SLC10A7: variants seen among roughly 807,000 people sequenced by gnomAD.
The protein encoded by SLC10A7 is solute carrier family 10 member 7.
Under a neutral mutation model 43.2 loss-of-function variants are expected in SLC10A7, and 29 were observed. That is an observed-to-expected ratio of 0.67 (90% confidence interval 0.50 to 0.92). The LOEUF is 0.92. Ranked by LOEUF, SLC10A7 falls within the 40% of genes least tolerant of loss-of-function variation. SLC10A7 has a pLI of 0.00. For missense variants in SLC10A7, 295 were observed against 403.2 expected (o/e 0.73, Z 2.30); for synonymous variants, 152 against 144.8 (o/e 1.05, Z -0.35).
At chr4:146,420,856 C>G (rs1237702217) in intron 5 of SLC10A7, among the ~76,000 whole-genome samples, 1 of 151,948 alleles carries the variant, frequency 6.6e-6, no homozygotes, top group Non-Finnish European at 1.5e-5. Flanking sequence ...AAGATTCTGT[C>G]TCTACACAAA....
At chr4:146,484,335 C>T (rs973530264) in intron 4 of SLC10A7, among the ~76,000 whole-genome samples, 1 of 152,098 alleles carries the variant, frequency 6.6e-6, no homozygotes, top group African/African-American at 2.4e-5. Flanking sequence ...GCCTGAGTGA[C>T]AGAGAGACAC....
intron 5 of SLC10A7, among the ~76,000 whole-genome samples, chr4:146,394,353 T>C (rs959581042): frequency 5.9e-5 from 9 of 152,184 alleles, no homozygotes; most frequent in African/African-American, 2.2e-4. Flanking sequence ...GGCCAAGGTA[T>C]GATGAGCTTG....
chr4:146,284,863 G>A (rs916395501), intron 9 of SLC10A7, among the ~76,000 whole-genome samples: 4 of 152,174 alleles, frequency 2.6e-5, no homozygotes, highest in South Asian at 2.1e-4. Context: ...AGAGATGAAA[G>A]CACTACAGAC....
chr4:146,320,368 C>T (rs1343061199), intron 6 of SLC10A7, among the ~76,000 whole-genome samples: 2 of 151,788 alleles, frequency 1.3e-5, no homozygotes, highest in African/African-American at 4.8e-5. Context: ...GAGGCCTAGG[C>T]TGGGTAAGAT....
intron 5 of SLC10A7, among the ~76,000 whole-genome samples, chr4:146,378,815 C>T (rs1458679852): frequency 6.6e-6 from 1 of 152,222 alleles, no homozygotes; most frequent in South Asian, 2.1e-4. Context: ...CTGTGCCTAA[C>T]TTCCTGTACT....
At position 146,367,006 on chromosome 4, in the gene SLC10A7, T is replaced by C. The variant is rs998510944; in HGVS notation, c.436-41010A>G. 3.0e-4 allele frequency among the ~76,000 whole-genome samples: 45 copies of C among 150,552 alleles called. 1 individual carries two copies. ...GCAATAAGCAAGTTTTTTGTTTTTTTGTTTTTTTTTGTTTTTGTTTTTGCC... is the reference window on the plus strand; with the variant it reads ...GCAATAAGCAAGTTTTTTGTTTTTTCGTTTTTTTTTGTTTTTGTTTTTGCC... On this transcript the variant is annotated intron_variant, in intron 5 of 11. Coordinates refer to ENST00000335472, the MANE Select transcript of SLC10A7 (RefSeq NM_001029998.6).
Position 146,360,123 on chromosome 4 carries a change from A to G in SLC10A7, c.436-34127T>C, listed in dbSNP as rs76632152. 4.1e-3 allele frequency among the ~76,000 whole-genome samples: 617 copies of G among 152,104 alleles called. 3 individuals are homozygous for G. The highest frequency in any genetic ancestry group is 0.014 in the African/African-American group (586 of 41,476). Reference sequence around the variant, plus strand: ...CCCTCTCACCTGCTACATCTAATCAACTTACCAAAGACTCTCTATCTCTTA... The same window carrying G: ...CCCTCTCACCTGCTACATCTAATCAGCTTACCAAAGACTCTCTATCTCTTA... On this transcript the variant is annotated intron_variant, in intron 5 of 11. Coordinates refer to ENST00000335472, the MANE Select transcript of SLC10A7 (RefSeq NM_001029998.6).
At chr4:146,296,506 G>A in intron 7 of SLC10A7, among the ~76,000 whole-genome samples, 1 of 152,052 alleles carries the variant, frequency 6.6e-6, no homozygotes, top group East Asian at 1.9e-4. Flanking sequence ...TAGCCAAAAT[G>A]TCTTTCTTCT....
At chr4:146,275,130 G>A (rs1560753547) in intron 10 of SLC10A7, among the ~76,000 whole-genome samples, 3 of 152,076 alleles carry the variant, frequency 2.0e-5, no homozygotes, top group South Asian at 4.2e-4. Flanking sequence ...CGGACATCAG[G>A]GTTTTATCCT....
In SLC10A7 at chr4:146,358,174, T is replaced by G. The variant is rs555041664; in HGVS notation, c.436-32178A>C. 4.6e-5 allele frequency among the ~76,000 whole-genome samples: 7 copies of G among 152,222 alleles called. 1 individual carries two copies. In the South Asian group the frequency reaches 1.5e-3, roughly 32 times the overall value. ...ACATGACACTTTTCTAATTCTTCTCTAATCCCTCTTTCCCCCATGTATCTG... is the reference window on the plus strand; with the variant it reads ...ACATGACACTTTTCTAATTCTTCTCGAATCCCTCTTTCCCCCATGTATCTG... On this transcript the variant is annotated intron_variant, in intron 5 of 11. Coordinates refer to ENST00000335472, the MANE Select transcript of SLC10A7 (RefSeq NM_001029998.6).
intron 5 of SLC10A7, among the ~76,000 whole-genome samples, chr4:146,340,335 T>C (rs1299830608): frequency 2.0e-5 from 3 of 151,832 alleles, no homozygotes; most frequent in East Asian, 3.9e-4. Context: ...GTATAAAAAG[T>C]TCAACAACTA....
Position 146,254,154 on chromosome 4 carries a change from T to TA in SLC10A7, c.*2336dup, listed in dbSNP as rs1482529114. ...TTTTTAACAGAATAGGGAAAAATTT[T>TA]AAAAAACCCACAAAAATTTTAATAC... On this transcript the variant is annotated 3_prime_UTR_variant, in exon 12 of 12. Coordinates refer to ENST00000335472, the MANE Select transcript of SLC10A7 (RefSeq NM_001029998.6). 2 of 152,022 alleles carry TA rather than the reference T, an allele frequency of 1.3e-5. No homozygotes were observed. Among genetic ancestry groups the TA allele is most frequent in the Non-Finnish European group, 2.9e-5 (2 of 68,010 alleles). The allele number at this position is 152,022 out of a possible 1,614,324, so 9.4% of individuals were successfully genotyped here. A position where few individuals can be genotyped will look rare whatever the true frequency, so the allele number is the denominator to read the frequency against.
Position 146,305,975 on chromosome 4 carries a change from A to G in SLC10A7, c.506T>C (p.Ile169Thr). 1 of 1,610,680 alleles carries G rather than the reference A, an allele frequency of 6.2e-7. No individual in the cohort carries two copies. The highest frequency in any genetic ancestry group is 1.1e-5 in the South Asian group (1 of 90,382). Residue 169 changes from isoleucine to threonine, a missense_variant, in exon 7 of 12, where the codon ATT becomes ACT. Physicochemically the swap from Ile to Thr is moderately conservative, Grantham distance 89. Transcript: ENST00000335472. ...AACAGTCATAAAAAGCTGAGAAAAA[A>G]TAGATGTGAAAGGCACAGAAGAAGA... is the stretch of plus-strand genomic sequence containing the variant. ...GSSSSVPFTS[I>T]FSQLFMTVVV...
chr4:146,507,326 C>A (rs914357446), intron 3 of SLC10A7, among the ~76,000 whole-genome samples: 7 of 152,150 alleles, frequency 4.6e-5, no homozygotes, highest in Non-Finnish European at 1.0e-4. Flanking sequence ...CTTTGGGAGG[C>A]TGAGGTGGGC....
At chr4:146,326,936 A>AGT (rs1448701646) in intron 5 of SLC10A7, among the ~76,000 whole-genome samples, 24 of 94,066 alleles carry the variant, frequency 2.6e-4, no homozygotes, top group African/African-American at 1.2e-3. Context: ...ACACACACAC[A>AGT]CACACACACA....
At chr4:146,377,216 G>A (rs976656490) in intron 5 of SLC10A7, among the ~76,000 whole-genome samples, 1 of 152,152 alleles carries the variant, frequency 6.6e-6, no homozygotes, top group Non-Finnish European at 1.5e-5. Context: ...CTTTGAAGAG[G>A]AACCTTTACT....
At chr4:146,309,510 C>T (rs1731814181) in intron 6 of SLC10A7, among the ~76,000 whole-genome samples, 1 of 152,078 alleles carries the variant, frequency 6.6e-6, no homozygotes, top group African/African-American at 2.4e-5. Flanking sequence ...TAACAAGATG[C>T]CCAGTGATGC....
intron 5 of SLC10A7, among the ~76,000 whole-genome samples, chr4:146,373,411 C>G (rs1736932128): frequency 6.7e-6 from 1 of 149,632 alleles, no homozygotes; most frequent in South Asian, 2.1e-4. Flanking sequence ...GAGATGGAGG[C>G]TGCAGTGAAC....
chr4:146,355,459 AC>A (rs1735510000), intron 5 of SLC10A7, among the ~76,000 whole-genome samples: 1 of 152,064 alleles, frequency 6.6e-6, no homozygotes, highest in Non-Finnish European at 1.5e-5. Context: ...AACTAGTTCA[AC>A]CATTGTGGAA....
Sources: allele counts gnomAD v4.1 joint callset (sites outside exome capture counted in the v4.1 genomes callset), GRCh38; gene constraint gnomAD v4.1.1; transcripts MANE v1.5; gene names NCBI Gene and HGNC (gene_info 2026-07-23, HGNC 2026-07-21).